SIPA1L1: variants seen among roughly 807,000 people sequenced by gnomAD.
SIPA1L1 encodes the protein signal-induced proliferation-associated 1-like protein 1.
A neutral mutation model predicts 162.7 loss-of-function variants in SIPA1L1; 26 were observed. That is an observed-to-expected ratio of 0.16 (90% confidence interval 0.12 to 0.22). The LOEUF (loss-of-function observed/expected upper bound fraction) is 0.22. Ranked by LOEUF, SIPA1L1 falls within the 10% of genes least tolerant of loss-of-function variation. The probability of loss-of-function intolerance (pLI) is 1.00; values close to 1 mark genes in which losing one functional copy is unlikely to be tolerated. For synonymous variants in SIPA1L1, 829 were observed against 837.4 expected, an observed-to-expected ratio of 0.99 and a Z score of 0.17; for missense variants, 1,874 against 2,241.0, an observed-to-expected ratio of 0.84 and a Z score of 3.31.
chr14:71,382,667 T>G (rs1253988492), intron 2 of SIPA1L1, among the ~76,000 whole-genome samples: 1 of 152,178 alleles, frequency 6.6e-6, no homozygotes, highest in Non-Finnish European at 1.5e-5. Context: ...TTTTTTTTTG[T>G]AATTAGGATG....
intron 2 of SIPA1L1, among the ~76,000 whole-genome samples, chr14:71,494,971 T>A (rs568411984): frequency 6.6e-6 from 1 of 152,150 alleles, no homozygotes; most frequent in South Asian, 2.1e-4. Flanking sequence ...GCTCAGTTGA[T>A]CCTCCCATCT....
chr14:71,528,973 G>A (rs907968643), intron 3 of SIPA1L1, among the ~76,000 whole-genome samples: 2 of 152,048 alleles, frequency 1.3e-5, no homozygotes, highest in East Asian at 3.9e-4. Flanking sequence ...TTAGCTGGGC[G>A]TGGTGGCACA....
chr14:71,694,998 TCAAA>T (rs2081519252), intron 13 of SIPA1L1, among the ~76,000 whole-genome samples: 3 of 152,138 alleles, frequency 2.0e-5, no homozygotes, highest in South Asian at 2.1e-4. Context: ...AAGCACCTCT[TCAAA>T]GTGGCAGGAT....
chr14:71,567,291 G>A (rs1261729025), intron 4 of SIPA1L1, among the ~76,000 whole-genome samples: 1 of 152,154 alleles, frequency 6.6e-6, no homozygotes, highest in Non-Finnish European at 1.5e-5. Flanking sequence ...TGTTTCTAAA[G>A]AAGATGTGAA....
At position 71,705,679 on chromosome 14, in the gene SIPA1L1, G is replaced by A. The variant is rs555382773; in HGVS notation, c.3765+339G>A. Among the ~76,000 whole-genome samples the A allele has an allele frequency of 2.0e-5, 3 of 151,992 alleles. No individual in the cohort carries two copies. In the South Asian group the frequency reaches 6.2e-4, roughly 32 times the overall value. ...AGCATGAGATGTGGTTGGAGCGTCA[G>A]TCCTGCTCCAGCCATGAGAGGGCTC... On this transcript the variant is annotated intron_variant, in intron 16 of 23. Transcript: ENST00000381232.
intron 3 of SIPA1L1, among the ~76,000 whole-genome samples, chr14:71,525,189 CT>C (rs111372962): frequency 1.4e-3 from 197 of 142,410 alleles, no homozygotes; most frequent in Middle Eastern, 3.6e-3. Context: ...GCCCAACTGA[CT>C]TTTTTTTTTT....
At chr14:71,431,683 A>C (rs767496261) in intron 2 of SIPA1L1, among the ~76,000 whole-genome samples, 10 of 152,130 alleles carry the variant, frequency 6.6e-5, no homozygotes, top group Non-Finnish European at 1.5e-4. Flanking sequence ...AACAGAGGCA[A>C]GATAGTGTCT....
intron 2 of SIPA1L1, among the ~76,000 whole-genome samples, chr14:71,482,007 A>G (rs2142727844): frequency 6.6e-6 from 1 of 152,320 alleles, no homozygotes; most frequent in East Asian, 1.9e-4. Flanking sequence ...ACAAAATGGC[A>G]AGTGTCACAG....
At chr14:71,398,217 G>T (rs552646878) in intron 2 of SIPA1L1, 3 of 151,862 alleles carry the variant, frequency 2.0e-5, no homozygotes, top group Non-Finnish European at 4.4e-5. Flanking sequence ...GGGTTTCACC[G>T]TGTTAGCATA....
At chr14:71,631,830 A>G (rs1488746583) in intron 7 of SIPA1L1, among the ~76,000 whole-genome samples, 1 of 152,186 alleles carries the variant, frequency 6.6e-6, no homozygotes, top group South Asian at 2.1e-4. Context: ...TTTGCTCTCA[A>G]TACGGAATTT....
At chr14:71,491,723 G>T (rs1044386702) in intron 2 of SIPA1L1, among the ~76,000 whole-genome samples, 2 of 144,264 alleles carry the variant, frequency 1.4e-5, no homozygotes, top group African/African-American at 5.2e-5. Context: ...TGAGATTACA[G>T]GCGTGAGCCA....
At chr14:71,701,495 C>T (rs951126573) in intron 14 of SIPA1L1, among the ~76,000 whole-genome samples, 8 of 151,876 alleles carry the variant, frequency 5.3e-5, no homozygotes, top group Admixed American at 6.6e-5. Flanking sequence ...GGATTACAGG[C>T]GTGAGCCACT....
chr14:71,393,330 ATAT>A (rs906212184), intron 2 of SIPA1L1, among the ~76,000 whole-genome samples: 1 of 152,260 alleles, frequency 6.6e-6, no homozygotes, highest in Non-Finnish European at 1.5e-5. Flanking sequence ...AAGAAAGATG[ATAT>A]TAATATGCAT....
chr14:71,704,585 GCTATA>G, intron 15 of SIPA1L1: 3 of 647,496 alleles, frequency 4.6e-6, no homozygotes, highest in Non-Finnish European at 8.3e-6. Flanking sequence ...CTTGCTATTA[GCTATA>G]GTGGTGTTAT....
intron 2 of SIPA1L1, among the ~76,000 whole-genome samples, chr14:71,405,029 T>C (rs924679447): frequency 6.6e-6 from 1 of 152,262 alleles, no homozygotes; most frequent in Non-Finnish European, 1.5e-5. Flanking sequence ...GTTTCCACCT[T>C]GAGGAAGACT....
At chr14:71,562,004 C>A (rs902993134) in intron 4 of SIPA1L1, among the ~76,000 whole-genome samples, 1 of 152,102 alleles carries the variant, frequency 6.6e-6, no homozygotes, top group Non-Finnish European at 1.5e-5. Context: ...TAAAATGATA[C>A]ATTCTTGGTG....
chr14:71,535,386 A>G (rs757002861), intron 4 of SIPA1L1, among the ~76,000 whole-genome samples: 1 of 152,214 alleles, frequency 6.6e-6, no homozygotes, highest in Non-Finnish European at 1.5e-5. Context: ...TTTCTTATGC[A>G]GGGCATGTTT....
In SIPA1L1 at chr14:71,388,904, AT is replaced by A. The variant is rs2141310647; in HGVS notation, c.-465+67724del. Reference sequence around the variant, plus strand: ...TGATTCTGTAGTCATAGTGTGTCATATGTATTTTTTACCACCTTACCTATAT... The same window carrying A: ...TGATTCTGTAGTCATAGTGTGTCATAGTATTTTTTACCACCTTACCTATAT... On this transcript the variant is annotated intron_variant, in intron 2 of 23. Transcript: ENST00000381232. Among the ~76,000 whole-genome samples the A allele has an allele frequency of 2.6e-5, 4 of 152,294 alleles. No homozygotes were observed. The East Asian group carries it at 7.7e-4, about 29-fold the overall frequency.
chr14:71,589,304 A>T lies in SIPA1L1; in HGVS notation c.1432A>T (p.Lys478Ter). The T allele has an allele frequency of 6.2e-7, 1 of 1,614,022 alleles. No individual in the cohort carries two copies. Among genetic ancestry groups the T allele is most frequent in the Non-Finnish European group, 8.5e-7 (1 of 1,179,900 alleles). ...ENLVLHLDRV[K>*]RYIVEHVDLG... ...CTTGGTGTTGCACCTAGATAGAGTG[A>T]AAAGATACATCGTGGAACACGTAGA... Residue 478 changes from lysine (K) to a stop codon, truncating the protein, a stop_gained, in exon 5 of 24, where the codon AAA becomes TAA. Coordinates refer to ENST00000381232, the MANE Select transcript of SIPA1L1 (RefSeq NM_001386936.1). LOFTEE classifies it high-confidence loss of function.
Sources: allele counts gnomAD v4.1 joint callset (sites outside exome capture counted in the v4.1 genomes callset), GRCh38; gene constraint gnomAD v4.1.1; transcripts MANE v1.5; gene names NCBI Gene and HGNC (gene_info 2026-07-23, HGNC 2026-07-21).